Variants in RXRG observed in about 807,000 individuals in gnomAD.
RXRG encodes retinoic acid receptor RXR-gamma.
RXRG carries 19 observed loss-of-function variants against 49.2 expected under a neutral mutation model. The observed-to-expected ratio is 0.39, with a 90% CI of 0.27 to 0.57. RXRG has a LOEUF of 0.57. Ranked by LOEUF, RXRG falls within the 20% of genes least tolerant of loss-of-function variation. RXRG has a pLI of 0.64. For missense variants in RXRG, 452 were observed against 592.5 expected, an observed-to-expected ratio of 0.76 and a Z score of 2.46; for synonymous variants, 224 against 216.6, an observed-to-expected ratio of 1.03 and a Z score of -0.30.
At chr1:165,404,586 A>T (rs1175672349) in intron 9 of RXRG, among the ~76,000 whole-genome samples, 2 of 152,258 alleles carry the variant, frequency 1.3e-5, no homozygotes, top group Non-Finnish European at 1.5e-5. Flanking sequence ...TGGCTAAGGG[A>T]AGAAAATAAT....
At chr1:165,402,469 T>C (rs899961957) in intron 9 of RXRG, among the ~76,000 whole-genome samples, 1 of 152,186 alleles carries the variant, frequency 6.6e-6, no homozygotes, top group Non-Finnish European at 1.5e-5. Flanking sequence ...TCTCTGCCCT[T>C]GAGGAGTCTA....
intron 9 of RXRG, among the ~76,000 whole-genome samples, chr1:165,404,760 G>GT (rs1034734659): frequency 2.7e-4 from 41 of 152,044 alleles, no homozygotes; most frequent in Admixed American, 1.4e-3. Flanking sequence ...TTTTGTTTTT[G>GT]TTTTTGTTTT....
At chr1:165,432,065 A>G (rs1221155424) in intron 1 of RXRG, among the ~76,000 whole-genome samples, 2 of 152,252 alleles carry the variant, frequency 1.3e-5, no homozygotes, top group Non-Finnish European at 2.9e-5. Context: ...GCATAAAAAT[A>G]TACAAATATG....
Position 165,409,590 on chromosome 1 carries a change from G to A in RXRG, c.1014C>T (p.Ala338=), listed in dbSNP as rs1394642641. The A allele has an allele frequency of 6.4e-7, 1 of 1,557,318 alleles. No individual in the cohort carries two copies. The highest frequency in any genetic ancestry group is 8.7e-7 in the Non-Finnish European group (1 of 1,153,294). The part of the protein sequence containing the change: ...ATGLHVHRSS[A]HSAGVGSIFD... ...AGATGGAGCCGACCCCAGCACTGTGGGCACTGCTCCGGTGGACATGTAAAC... is the reference window on the plus strand; with the variant it reads ...AGATGGAGCCGACCCCAGCACTGTGAGCACTGCTCCGGTGGACATGTAAAC... The change falls in exon 7 of 10, where the codon GCC becomes GCT. Residue 338 remains alanine, a synonymous_variant. Coordinates refer to ENST00000359842, the MANE Select transcript of RXRG (RefSeq NM_006917.5).
At chr1:165,404,779 A>C (rs576374124) in intron 9 of RXRG, among the ~76,000 whole-genome samples, 3 of 151,830 alleles carry the variant, frequency 2.0e-5, no homozygotes, top group Admixed American at 2.0e-4. Flanking sequence ...TTTGTTTTTG[A>C]TGGAGTTTCG....
At chr1:165,431,763 C>T (rs157880) in intron 1 of RXRG, among the ~76,000 whole-genome samples, 32,538 of 152,040 alleles carry the variant, frequency 0.21, 4,166 homozygotes, top group African/African-American at 0.36. Context: ...CTCATCACCC[C>T]AAGAATTCCA....
Position 165,406,897 on chromosome 1 carries a change from G to A in RXRG, c.1159C>T (p.Pro387Ser). ...FNPDAKGLSNPSEVETLREKV... is the reference protein window; with the variant it reads ...FNPDAKGLSNSSEVETLREKV... The stretch of plus-strand genomic sequence containing the variant: ...TCTCGCAGAGTCTCCACCTCAGAGG[G>A]GTTGGACAGGCCCTTGGCATCTAAA... The change falls in exon 9 of 10, where the codon CCC becomes TCC. Residue 387 changes from proline to serine, a missense_variant. Physicochemically the swap from Pro to Ser is moderately conservative, Grantham distance 74 (BLOSUM62 -1). This residue lies in a region of RXRG where 286 missense variants were observed against 440.9 expected (regional missense o/e 0.65). Coordinates refer to ENST00000359842, the MANE Select transcript of RXRG (RefSeq NM_006917.5). The A allele has an allele frequency of 6.2e-7, 1 of 1,613,702 alleles. No homozygotes were observed. The highest frequency in any genetic ancestry group is 8.5e-7 in the Non-Finnish European group (1 of 1,179,784).
At chr1:165,407,308 C>G (rs1468646745) in intron 8 of RXRG, among the ~76,000 whole-genome samples, 1 of 152,188 alleles carries the variant, frequency 6.6e-6, no homozygotes, top group Non-Finnish European at 1.5e-5. Context: ...GAACTAACTG[C>G]CTAATTCTGG....
Position 165,401,346 on chromosome 1 carries a change from G to C in RXRG, c.1309C>G (p.Leu437Val), listed in dbSNP as rs1301425233. The C allele has an allele frequency of 6.2e-7, 1 of 1,614,180 alleles. No homozygotes were observed. Among genetic ancestry groups the C allele is most frequent in the Non-Finnish European group, 8.5e-7 (1 of 1,180,040 alleles). Reference protein sequence around the residue: ...RSIGLKCLEHLFFFKLIGDTP... With the variant: ...RSIGLKCLEHVFFFKLIGDTP... Reference sequence around the variant, plus strand: ...TCCCCGATGAGCTTGAAGAAGAAGAGGTGCTCCAGGCATTTCAAGCCAATG... The same window carrying C: ...TCCCCGATGAGCTTGAAGAAGAAGACGTGCTCCAGGCATTTCAAGCCAATG... The change falls in exon 10 of 10, where the codon CTC (leucine) becomes GTC (valine). Residue 437 changes from leucine to valine, a missense_variant. Transcript: ENST00000359842.
rs149087358 is a variant in RXRG, at chr1:165,401,278, C to T, written c.1377G>A (p.Pro459=). 2.6e-5 allele frequency: 42 copies of T among 1,614,004 alleles called. No homozygotes were observed. The Middle Eastern group carries it at 5.0e-4, about 19-fold the overall frequency. Residue 459 remains proline (P), a synonymous_variant, in exon 10 of 10, where the codon CCG becomes CCA. Transcript: ENST00000359842. ...DTFLMEMLET[P]LQIT Reference sequence around the variant, plus strand: ...CTGGTGGGGCTCAGGTGATCTGCAGCGGGGTCTCCAACATCTCCATGAGGA... The same window carrying T: ...CTGGTGGGGCTCAGGTGATCTGCAGTGGGGTCTCCAACATCTCCATGAGGA...
Position 165,409,645 on chromosome 1 carries a change from G to A in RXRG, c.959C>T (p.Ser320Phe), listed in dbSNP as rs772848222. 2.5e-6 allele frequency: 4 copies of A among 1,571,508 alleles called. No homozygotes were observed. The highest frequency in any genetic ancestry group is 3.5e-6 in the Non-Finnish European group (4 of 1,159,090). Residue 320 changes from serine to phenylalanine, a missense_variant, in exon 7 of 10, where the codon TCC becomes TTC. Ser to Phe is a radical substitution (Grantham distance 155). Coordinates refer to ENST00000359842, the MANE Select transcript of RXRG (RefSeq NM_006917.5). ...LIASFSHRSV[S>F]VQDGILLATG... Reference sequence around the variant, plus strand: ...GGCCAGAAGGATGCCATCCTGCACGGAAACTGAGCGGTGGGAGAAAGAGGC... The same window carrying A: ...GGCCAGAAGGATGCCATCCTGCACGAAAACTGAGCGGTGGGAGAAAGAGGC...
At chr1:165,415,398 G>C (rs913414945) in intron 4 of RXRG, among the ~76,000 whole-genome samples, 1 of 152,160 alleles carries the variant, frequency 6.6e-6, no homozygotes, top group African/African-American at 2.4e-5. Context: ...AGACATTGGA[G>C]GATTCTGCTG....
chr1:165,407,869 CAG>C (rs1657806891), intron 8 of RXRG, among the ~76,000 whole-genome samples: 2 of 150,304 alleles, frequency 1.3e-5, no homozygotes, highest in African/African-American at 4.9e-5. Flanking sequence ...AAAAAAAACC[CAG>C]AGAGTCATCT....
chr1:165,404,048 G>A (rs1341444388), intron 9 of RXRG, among the ~76,000 whole-genome samples: 1 of 152,212 alleles, frequency 6.6e-6, no homozygotes, highest in East Asian at 1.9e-4. Context: ...TGGCCCTTGT[G>A]ACATGCACTT....
chr1:165,441,223 G>C (rs1205686359), intron 1 of RXRG, among the ~76,000 whole-genome samples: 1 of 152,240 alleles, frequency 6.6e-6, no homozygotes, highest in Non-Finnish European at 1.5e-5. Flanking sequence ...TAATTCTGCA[G>C]AGATCACCGT....
At chr1:165,442,734 T>G (rs1384326079) in intron 1 of RXRG, among the ~76,000 whole-genome samples, 4 of 152,230 alleles carry the variant, frequency 2.6e-5, no homozygotes, top group Non-Finnish European at 5.9e-5. Context: ...TGGACAACAC[T>G]ATAGCAGCTG....
Position 165,401,392 on chromosome 1 carries a change from C to T in RXRG, c.1263G>A (p.Leu421=), listed in dbSNP as rs1455723056. Residue 421 remains leucine, a synonymous_variant, in exon 10 of 10, where the codon CTG becomes CTA. Transcript: ENST00000359842. ...EQPGRFAKLL[L]RLPALRSIGL... ...CAATGGAACGCAGAGCTGGGAGGCG[C>T]AGCAGCAGCTTGGCAAACCTGCAGG... 1 of 1,614,116 alleles carries T rather than the reference C, an allele frequency of 6.2e-7. No homozygotes were observed. The highest frequency in any genetic ancestry group is 8.5e-7 in the Non-Finnish European group (1 of 1,180,014).
chr1:165,439,174 TA>T (rs1221021470), intron 1 of RXRG, among the ~76,000 whole-genome samples: 2 of 150,510 alleles, frequency 1.3e-5, no homozygotes, highest in Non-Finnish European at 2.9e-5. Context: ...GGTTTTGCTA[TA>T]ATTATATATA....
intron 1 of RXRG, among the ~76,000 whole-genome samples, chr1:165,430,890 T>C (rs973113476): frequency 1.3e-5 from 2 of 152,184 alleles, no homozygotes; most frequent in African/African-American, 4.8e-5. Flanking sequence ...GTCTAGAAGC[T>C]CTTATTCAAC....
Sources: gnomAD v4.1 joint callset for allele counts (sites outside exome capture counted in the v4.1 genomes callset) on GRCh38, gnomAD v4.1.1 for gene constraint, gnomAD v4.1.1 regional missense constraint, MANE v1.5 for transcripts, NCBI Gene and HGNC (gene_info 2026-07-23, HGNC 2026-07-21) for gene names.